ESRRG: variants seen among roughly 807,000 people sequenced by gnomAD.
ESRRG encodes the protein estrogen-related receptor gamma.
ESRRG carries 13 observed loss-of-function variants against 44.0 expected under a neutral mutation model. The ratio of observed to expected loss-of-function variants is 0.30; its 90% CI spans 0.19 to 0.47. The LOEUF (loss-of-function observed/expected upper bound fraction) is 0.47. Among genes scored for constraint, ESRRG ranks in the 20% least tolerant of loss-of-function variants. ESRRG has a pLI of 1.00. For missense variants in ESRRG, 395 were observed against 580.6 expected (o/e 0.68, Z 3.29); for synonymous variants, 215 against 214.6 (o/e 1.00, Z -0.02).
intron 2 of ESRRG, among the ~76,000 whole-genome samples, chr1:216,911,386 A>C (rs1401736452): frequency 6.6e-6 from 1 of 152,212 alleles, no homozygotes; most frequent in East Asian, 1.9e-4. Context: ...AATAATATGA[A>C]AAGGCAAAAT....
chr1:216,556,140 G>T (rs2057499729), intron 5 of ESRRG, among the ~76,000 whole-genome samples: 1 of 151,930 alleles, frequency 6.6e-6, no homozygotes, highest in Admixed American at 6.6e-5. Context: ...AAACCACGAG[G>T]CTTTCTCTCT....
chr1:216,715,292 C>A (rs888119822), intron 1 of ESRRG: 17 of 941,560 alleles, frequency 1.8e-5, no homozygotes, highest in Non-Finnish European at 2.0e-5. Flanking sequence ...TAGGACCCAG[C>A]ACCAACTGTA....
chr1:217,092,050 C>T (rs1281380891), upstream of ESRRG, among the ~76,000 whole-genome samples: 2 of 152,120 alleles, frequency 1.3e-5, no homozygotes, highest in African/African-American at 4.8e-5. Flanking sequence ...GGTTTCTTAC[C>T]CCAGGAGTGA....
intron 2 of ESRRG, among the ~76,000 whole-genome samples, chr1:216,900,935 G>A (rs1167678987): frequency 6.6e-6 from 1 of 152,148 alleles, no homozygotes; most frequent in Non-Finnish European, 1.5e-5. Flanking sequence ...AGTGAAATAA[G>A]CTTCTAGAAT....
intron 1 of ESRRG, among the ~76,000 whole-genome samples, chr1:216,717,948 G>A (rs1016750838): frequency 1.3e-5 from 2 of 151,636 alleles, no homozygotes; most frequent in African/African-American, 4.8e-5. Flanking sequence ...ATTGTTTCTT[G>A]GATATGGGCC....
intron 5 of ESRRG, among the ~76,000 whole-genome samples, chr1:216,526,981 G>A (rs1378696456): frequency 6.6e-6 from 1 of 152,134 alleles, no homozygotes; most frequent in Non-Finnish European, 1.5e-5. Flanking sequence ...GCTTCCAATG[G>A]TTCTACTGTG....
chr1:216,561,564 C>A (rs1251239528), intron 5 of ESRRG, among the ~76,000 whole-genome samples: 1 of 152,148 alleles, frequency 6.6e-6, no homozygotes, highest in African/African-American at 2.4e-5. Flanking sequence ...CCAGCCTTTA[C>A]TTCCCTGTCT....
intron 2 of ESRRG, among the ~76,000 whole-genome samples, chr1:216,859,711 C>T (rs971676098): frequency 1.3e-5 from 2 of 152,122 alleles, no homozygotes; most frequent in African/African-American, 4.8e-5. Context: ...AGACTGAGCC[C>T]TGTTCCAGTC....
intron 3 of ESRRG, among the ~76,000 whole-genome samples, chr1:216,635,863 G>A (rs1414838568): frequency 1.3e-5 from 2 of 152,054 alleles, no homozygotes; most frequent in African/African-American, 4.8e-5. Flanking sequence ...AAAAATTCCA[G>A]CAAGATGACA....
upstream of ESRRG, among the ~76,000 whole-genome samples, chr1:217,091,660 T>C (rs915481500): frequency 1.3e-5 from 2 of 152,186 alleles, no homozygotes; most frequent in African/African-American, 4.8e-5. Flanking sequence ...CTCACTTTGC[T>C]TATCTGTCCC....
intron 2 of ESRRG, among the ~76,000 whole-genome samples, chr1:216,826,349 C>G (rs79874488): frequency 0.022 from 3,301 of 152,096 alleles, 134 homozygotes; most frequent in African/African-American, 0.075. Context: ...ATCAAACGTA[C>G]AGTGTAGAAT....
chr1:216,782,727 C>G (rs1472803802), intron 2 of ESRRG, among the ~76,000 whole-genome samples: 1 of 151,952 alleles, frequency 6.6e-6, no homozygotes. Flanking sequence ...TTAATGAAAG[C>G]CCACTGTGAG....
At chr1:216,698,017 C>T (rs1386068901) in intron 1 of ESRRG, among the ~76,000 whole-genome samples, 2 of 152,128 alleles carry the variant, frequency 1.3e-5, no homozygotes, top group Non-Finnish European at 1.5e-5. Context: ...GACTTAAGCC[C>T]CTGTCCCCTC....
chr1:217,011,577 A>T (rs1164661383), intron 1 of ESRRG, among the ~76,000 whole-genome samples: 1 of 152,058 alleles, frequency 6.6e-6, no homozygotes, highest in Non-Finnish European at 1.5e-5. Flanking sequence ...GAAATAAAAA[A>T]AACTTCACTC....
chr1:216,631,145 G>A (rs924503782), intron 3 of ESRRG, among the ~76,000 whole-genome samples: 2 of 151,640 alleles, frequency 1.3e-5, no homozygotes, highest in African/African-American at 4.8e-5. Flanking sequence ...AAAAGTAGAA[G>A]GCTAACTTGT....
intron 2 of ESRRG, among the ~76,000 whole-genome samples, chr1:216,754,068 T>C (rs932987610): frequency 6.6e-6 from 1 of 152,058 alleles, no homozygotes; most frequent in Admixed American, 6.6e-5. Context: ...TTACTGCCAT[T>C]TTTTTCTTCC....
chr1:216,712,133 G>A (rs960024513), intron 1 of ESRRG, among the ~76,000 whole-genome samples: 2 of 152,044 alleles, frequency 1.3e-5, no homozygotes, highest in Non-Finnish European at 2.9e-5. Flanking sequence ...TTTAAGACTG[G>A]AACCTATTAA....
At chr1:216,700,499 C>T (rs2081187601) in intron 1 of ESRRG, among the ~76,000 whole-genome samples, 1 of 152,168 alleles carries the variant, frequency 6.6e-6, no homozygotes, top group Non-Finnish European at 1.5e-5. Flanking sequence ...CATACACAAA[C>T]ACACACACTT....
At chr1:216,672,577 T>C (rs996706478) in intron 2 of ESRRG, among the ~76,000 whole-genome samples, 2 of 152,160 alleles carry the variant, frequency 1.3e-5, no homozygotes, top group African/African-American at 4.8e-5. Context: ...TAAAAATAAA[T>C]TGTTAAAATA....
Sources: allele counts gnomAD v4.1 joint callset (sites outside exome capture counted in the v4.1 genomes callset), GRCh38; gene constraint gnomAD v4.1.1; transcripts MANE v1.5; gene names NCBI Gene and HGNC (gene_info 2026-07-23, HGNC 2026-07-21).